Variants in FRMD5 observed in about 807,000 individuals in gnomAD.
The protein encoded by FRMD5 is FERM domain-containing protein 5.
A neutral mutation model predicts 69.0 loss-of-function variants in FRMD5; 20 were observed. That is an observed-to-expected ratio of 0.29 (90% CI 0.20 to 0.42). FRMD5 has a LOEUF of 0.42. Among genes scored for constraint, FRMD5 ranks in the 10% least tolerant of loss-of-function variants. The probability of loss-of-function intolerance (pLI) is 1.00; values close to 1 mark genes in which losing one functional copy is unlikely to be tolerated. For synonymous variants in FRMD5, 271 were observed against 260.1 expected (o/e 1.04, Z -0.40); for missense variants, 595 against 708.6 (o/e 0.84, Z 1.82).
intron 1 of FRMD5, among the ~76,000 whole-genome samples, chr15:44,162,860 T>TC (rs2077641580): frequency 1.2e-5 from 1 of 85,812 alleles, no homozygotes; most frequent in African/African-American, 4.9e-5. Flanking sequence ...AGAGCGAAAC[T>TC]CCGTCTCAAA....
intron 1 of FRMD5, among the ~76,000 whole-genome samples, chr15:44,108,037 A>C (rs947941861): frequency 4.6e-5 from 7 of 152,254 alleles, no homozygotes; most frequent in African/African-American, 1.7e-4. Flanking sequence ...AACAAATTAT[A>C]GACTAAACCA....
chr15:43,994,334 G>T (rs997566115), intron 1 of FRMD5, among the ~76,000 whole-genome samples: 1 of 152,052 alleles, frequency 6.6e-6, no homozygotes, highest in African/African-American at 2.4e-5. Context: ...CTTTGAATGC[G>T]TAAAAAAACT....
intron 1 of FRMD5, among the ~76,000 whole-genome samples, chr15:44,170,065 A>G (rs1402188395): frequency 6.6e-6 from 1 of 152,148 alleles, no homozygotes; most frequent in African/African-American, 2.4e-5. Context: ...CAGATTTCCC[A>G]AAACCTACTT....
chr15:44,134,648 C>T (rs2077155558), intron 1 of FRMD5, among the ~76,000 whole-genome samples: 1 of 152,136 alleles, frequency 6.6e-6, no homozygotes, highest in Non-Finnish European at 1.5e-5. Flanking sequence ...CAGGGTTTCA[C>T]CATGTTGGCC....
intron 1 of FRMD5, among the ~76,000 whole-genome samples, chr15:44,021,647 A>C (rs1027196635): frequency 6.6e-6 from 1 of 152,236 alleles, no homozygotes; most frequent in Admixed American, 6.5e-5. Context: ...CTAAAAAAAG[A>C]GAAAGAATAA....
At chr15:44,148,644 A>C (rs2077395499) in intron 1 of FRMD5, among the ~76,000 whole-genome samples, 1 of 151,902 alleles carries the variant, frequency 6.6e-6, no homozygotes, top group African/African-American at 2.4e-5. Flanking sequence ...CATTTTTCCA[A>C]CAGCTGTACT....
intron 1 of FRMD5, among the ~76,000 whole-genome samples, chr15:44,144,251 T>C (rs1376191500): frequency 1.3e-5 from 2 of 152,208 alleles, no homozygotes; most frequent in African/African-American, 4.8e-5. Context: ...ATTATTTTTA[T>C]AAATATTTCT....
chr15:43,989,205 C>T, intron 1 of FRMD5: 1 of 828,252 alleles, frequency 1.2e-6, no homozygotes, highest in Non-Finnish European at 2.1e-6. Flanking sequence ...GAGCAGTGAT[C>T]TTGATCTTCA....
At chr15:43,899,509 A>T (rs1477232916) in intron 7 of FRMD5, among the ~76,000 whole-genome samples, 1 of 152,158 alleles carries the variant, frequency 6.6e-6, no homozygotes, top group Non-Finnish European at 1.5e-5. Flanking sequence ...GGCCTCCTGG[A>T]ATGCCAGTCT....
chr15:44,117,228 C>T (rs2076882229), intron 1 of FRMD5, among the ~76,000 whole-genome samples: 1 of 152,180 alleles, frequency 6.6e-6, no homozygotes, highest in South Asian at 2.1e-4. Context: ...GGACTATCCA[C>T]TTTCCCAGGA....
At chr15:44,000,897 T>A (rs1038294814) in intron 1 of FRMD5, among the ~76,000 whole-genome samples, 1 of 152,194 alleles carries the variant, frequency 6.6e-6, no homozygotes, top group African/African-American at 2.4e-5. Flanking sequence ...CAGTGCAGCC[T>A]CAACCTCCTG....
At chr15:43,905,541 G>A (rs2089150108) in intron 6 of FRMD5, among the ~76,000 whole-genome samples, 1 of 152,132 alleles carries the variant, frequency 6.6e-6, no homozygotes, top group Non-Finnish European at 1.5e-5. Flanking sequence ...TGAGGCAGAT[G>A]CCTTTCAAAG....
At chr15:44,147,817 A>G (rs532785997) in intron 1 of FRMD5, among the ~76,000 whole-genome samples, 11 of 152,290 alleles carry the variant, frequency 7.2e-5, no homozygotes, top group African/African-American at 2.6e-4. Flanking sequence ...CTGTTATCAC[A>G]TTAGCAGCTG....
intron 1 of FRMD5, among the ~76,000 whole-genome samples, chr15:44,161,892 C>G (rs2140501312): frequency 6.6e-6 from 1 of 152,246 alleles, no homozygotes; most frequent in East Asian, 1.9e-4. Flanking sequence ...CTTTATGAGC[C>G]TTATGTTCTG....
chr15:43,956,838 A>G (rs531688091), intron 1 of FRMD5, among the ~76,000 whole-genome samples: 58 of 152,358 alleles, frequency 3.8e-4, no homozygotes, highest in African/African-American at 1.3e-3. Flanking sequence ...ATAGCTGGCC[A>G]TTGGTTAGAC....
intron 1 of FRMD5, among the ~76,000 whole-genome samples, chr15:43,942,852 C>G (rs972262233): frequency 4.6e-5 from 7 of 152,228 alleles, no homozygotes; most frequent in Admixed American, 2.6e-4. Context: ...CTCCACCTCC[C>G]GGGCTCAAGA....
chr15:44,054,550 C>T (rs528639011), intron 1 of FRMD5, among the ~76,000 whole-genome samples: 10 of 152,178 alleles, frequency 6.6e-5, no homozygotes, highest in Admixed American at 2.6e-4. Flanking sequence ...ATGCTATTTT[C>T]GTAGGGGTTG....
chr15:43,882,216 G>A (rs1410015832), intron 13 of FRMD5, among the ~76,000 whole-genome samples: 1 of 152,114 alleles, frequency 6.6e-6, no homozygotes, highest in Non-Finnish European at 1.5e-5. Context: ...CTCAGCTATT[G>A]GGGTATCTAG....
At chr15:44,139,033 A>C (rs1432214377) in intron 1 of FRMD5, among the ~76,000 whole-genome samples, 1 of 152,150 alleles carries the variant, frequency 6.6e-6, no homozygotes, top group Non-Finnish European at 1.5e-5. Flanking sequence ...AAGTGTTGTA[A>C]AATTAGATCG....
Sources: gnomAD v4.1 joint callset for allele counts (sites outside exome capture counted in the v4.1 genomes callset) on GRCh38, gnomAD v4.1.1 for gene constraint, MANE v1.5 for transcripts, NCBI Gene and HGNC (gene_info 2026-07-23, HGNC 2026-07-21) for gene names.